Variants in GABRB2 observed in about 807,000 individuals in gnomAD.
The protein encoded by GABRB2 is gamma-aminobutyric acid type A receptor subunit beta2.
Under a neutral mutation model 54.7 loss-of-function variants are expected in GABRB2, and 16 were observed. That is an observed-to-expected ratio of 0.29 (90% confidence interval 0.20 to 0.44). The LOEUF (loss-of-function observed/expected upper bound fraction) is 0.44, where lower values mean the gene tolerates loss of function less well. Among genes scored for constraint, GABRB2 ranks in the 20% least tolerant of loss-of-function variants. The pLI is 1.00. For synonymous variants in GABRB2, 244 were observed against 233.8 expected (o/e 1.04, Z -0.40); for missense variants, 355 against 644.0 (o/e 0.55, Z 4.86).
intron 5 of GABRB2, among the ~76,000 whole-genome samples, chr5:161,408,274 A>C (rs1331724234): frequency 2.6e-5 from 4 of 152,082 alleles, no homozygotes; most frequent in African/African-American, 4.8e-5. Flanking sequence ...CTACTTACAA[A>C]TATATTGCAA....
chr5:161,395,769 G>A (rs1755977041), intron 5 of GABRB2, among the ~76,000 whole-genome samples: 1 of 152,024 alleles, frequency 6.6e-6, no homozygotes, highest in Non-Finnish European at 1.5e-5. Context: ...TTTTTTTCTG[G>A]TACAATGACT....
chr5:161,507,586 A>T (rs752538318), intron 3 of GABRB2, among the ~76,000 whole-genome samples: 6 of 152,116 alleles, frequency 3.9e-5, no homozygotes, highest in Admixed American at 1.3e-4. Flanking sequence ...ACACACATGC[A>T]CACACATGCA....
intron 5 of GABRB2, among the ~76,000 whole-genome samples, chr5:161,387,678 T>C (rs1352858519): frequency 3.3e-5 from 5 of 152,188 alleles, no homozygotes; most frequent in Non-Finnish European, 5.9e-5. Flanking sequence ...AGAGACCCCA[T>C]CTTTCATGTC....
chr5:161,547,685 G>C (rs1014455719), upstream of GABRB2, among the ~76,000 whole-genome samples: 1 of 152,160 alleles, frequency 6.6e-6, no homozygotes, highest in Non-Finnish European at 1.5e-5. Flanking sequence ...GGGGAGATGG[G>C]ACGTGGAGGC....
intron 6 of GABRB2, among the ~76,000 whole-genome samples, chr5:161,335,666 G>GT (rs1003455321): frequency 9.2e-5 from 14 of 152,062 alleles, no homozygotes; most frequent in African/African-American, 3.4e-4. Flanking sequence ...GCCTTGTTTA[G>GT]TTTTTGGAGG....
At chr5:161,428,924 A>C (rs1454509330) in intron 4 of GABRB2, among the ~76,000 whole-genome samples, 4 of 152,200 alleles carry the variant, frequency 2.6e-5, no homozygotes, top group Non-Finnish European at 5.9e-5. Context: ...AACAATGCAT[A>C]GAAACTGTTT....
At chr5:161,327,219 A>C (rs990819734) in intron 8 of GABRB2, among the ~76,000 whole-genome samples, 2 of 152,136 alleles carry the variant, frequency 1.3e-5, no homozygotes, top group Non-Finnish European at 2.9e-5. Context: ...AAATCTTAGT[A>C]CTTTACTACT....
chr5:161,311,044 G>A (rs960768902), intron 9 of GABRB2, among the ~76,000 whole-genome samples: 1 of 152,140 alleles, frequency 6.6e-6, no homozygotes, highest in Non-Finnish European at 1.5e-5. Flanking sequence ...ACAGGTATGA[G>A]CCACCACGCC....
intron 3 of GABRB2, among the ~76,000 whole-genome samples, chr5:161,479,462 A>G (rs1758689716): frequency 6.6e-6 from 1 of 152,144 alleles, no homozygotes; most frequent in Admixed American, 6.6e-5. Context: ...AGTAGTTTCT[A>G]AAATGATGAC....
At chr5:161,493,182 G>C (rs1759130678) in intron 3 of GABRB2, among the ~76,000 whole-genome samples, 1 of 151,652 alleles carries the variant, frequency 6.6e-6, no homozygotes, top group Non-Finnish European at 1.5e-5. Context: ...CCAAAAATAA[G>C]GTGGTACCTC....
chr5:161,513,213 A>G (rs1759833988), intron 3 of GABRB2, among the ~76,000 whole-genome samples: 1 of 152,004 alleles, frequency 6.6e-6, no homozygotes, highest in Admixed American at 6.6e-5. Context: ...CTACTTAACT[A>G]CCTGAACTAC....
rs1375086534 is a variant in GABRB2 at position 161,291,129 on chromosome 5, T to C, written c.*2952A>G. 1.3e-5 allele frequency: 2 copies of C among 152,562 alleles called. No homozygotes were observed. The highest frequency in any genetic ancestry group is 2.9e-5 in the Non-Finnish European group (2 of 68,000). The allele number at this position is 152,562 out of a possible 1,614,324, so 9.5% of individuals were successfully genotyped here. A position where few individuals can be genotyped will look rare whatever the true frequency, so the allele number is the denominator to read the frequency against. On this transcript the variant is annotated 3_prime_UTR_variant, in exon 10 of 10. Coordinates refer to ENST00000393959, the MANE Select transcript of GABRB2 (RefSeq NM_001371727.1). ...TGCATTTCATACCTACTAGCGGTCA[T>C]GTACAATATATATATATACAGATTG...
chr5:161,306,867 C>T (rs1327434980), intron 9 of GABRB2, among the ~76,000 whole-genome samples: 2 of 152,086 alleles, frequency 1.3e-5, no homozygotes, highest in African/African-American at 4.8e-5. Flanking sequence ...CAAAATAACT[C>T]AGTGTATGCT....
At chr5:161,339,759 G>T (rs1160140271) in intron 5 of GABRB2, among the ~76,000 whole-genome samples, 1 of 151,856 alleles carries the variant, frequency 6.6e-6, no homozygotes, top group Non-Finnish European at 1.5e-5. Flanking sequence ...AGTTACTTTT[G>T]TCTTTATCTC....
chr5:161,462,182 T>C (rs1274127638), intron 3 of GABRB2, among the ~76,000 whole-genome samples: 1 of 152,164 alleles, frequency 6.6e-6, no homozygotes, highest in Non-Finnish European at 1.5e-5. Flanking sequence ...TATCAAATAG[T>C]TGTCGGTGAA....
At chr5:161,385,674 T>A (rs374882209) in intron 5 of GABRB2, among the ~76,000 whole-genome samples, 3 of 152,148 alleles carry the variant, frequency 2.0e-5, no homozygotes, top group Non-Finnish European at 4.4e-5. Flanking sequence ...CGTTAACTAC[T>A]AGGTATAAAA....
At chr5:161,406,723 T>A (rs912106547) in intron 5 of GABRB2, among the ~76,000 whole-genome samples, 2 of 152,026 alleles carry the variant, frequency 1.3e-5, no homozygotes, top group Admixed American at 1.3e-4. Context: ...AGGTAATCAG[T>A]GACTCTGAGA....
In GABRB2 at chr5:161,458,760, G is replaced by A. The variant is rs1256642813; in HGVS notation, c.458+864C>T. Among the ~76,000 whole-genome samples the A allele has an allele frequency of 2.0e-5, 3 of 152,150 alleles. No homozygotes were observed. The East Asian group carries it at 5.8e-4, about 29-fold the overall frequency. ...TGTTGTAAGGGTTAACTATAATAATGCATGAAAGCACTTAGCTCAATGTCT... is the reference window on the plus strand; with the variant it reads ...TGTTGTAAGGGTTAACTATAATAATACATGAAAGCACTTAGCTCAATGTCT... On this transcript the variant is annotated intron_variant, in intron 4 of 9. Transcript: ENST00000393959.
intron 3 of GABRB2, among the ~76,000 whole-genome samples, chr5:161,527,122 T>C (rs1378016710): frequency 6.6e-6 from 1 of 151,404 alleles, no homozygotes. Context: ...TAAAACCACA[T>C]AGTGTTGGCA....
Sources: allele counts gnomAD v4.1 joint callset (sites outside exome capture counted in the v4.1 genomes callset), GRCh38; gene constraint gnomAD v4.1.1; transcripts MANE v1.5; gene names NCBI Gene and HGNC (gene_info 2026-07-23, HGNC 2026-07-21).